Variants in MACROD2 observed in about 807,000 individuals in gnomAD.
MACROD2 encodes the protein mono-ADP ribosylhydrolase 2, also known as ADP-ribose glycohydrolase MACROD2.
Under a neutral mutation model 70.4 loss-of-function variants are expected in MACROD2, and 36 were observed. That is an observed-to-expected ratio of 0.51 (90% CI 0.39 to 0.68). MACROD2 has a LOEUF of 0.68. Among genes scored for constraint, MACROD2 ranks in the 30% least tolerant of loss-of-function variants. The pLI, the probability that MACROD2 is intolerant of heterozygous loss-of-function variation, is 0.00. For synonymous variants in MACROD2, 172 were observed against 178.8 expected (o/e 0.96, Z 0.30); for missense variants, 496 against 538.4 (o/e 0.92, Z 0.78).
At chr20:15,093,909 C>T (rs1384998113) in intron 5 of MACROD2, among the ~76,000 whole-genome samples, 2 of 152,196 alleles carry the variant, frequency 1.3e-5, no homozygotes, top group Non-Finnish European at 2.9e-5. Flanking sequence ...GAAATTGTGT[C>T]GAGGGAAGCT....
chr20:15,084,083 TTA>T, intron 5 of MACROD2, among the ~76,000 whole-genome samples: 1 of 150,724 alleles, frequency 6.6e-6, no homozygotes, highest in Non-Finnish European at 1.5e-5. Context: ...TTTTTTTTTT[TTA>T]ATGAAGTTTT....
intron 3 of MACROD2, among the ~76,000 whole-genome samples, chr20:14,277,311 G>A (rs1263491583): frequency 6.6e-6 from 1 of 152,152 alleles, no homozygotes; most frequent in Non-Finnish European, 1.5e-5. Context: ...AGCTAGGCAT[G>A]GTGGCACGCA....
intron 8 of MACROD2, among the ~76,000 whole-genome samples, chr20:15,554,239 T>C (rs935341268): frequency 7.9e-5 from 12 of 152,250 alleles, no homozygotes; most frequent in African/African-American, 2.9e-4. Flanking sequence ...TCTGGGGCTA[T>C]AGGAGGAAGA....
At chr20:14,251,436 C>A (rs896549250) in intron 3 of MACROD2, among the ~76,000 whole-genome samples, 2 of 151,982 alleles carry the variant, frequency 1.3e-5, no homozygotes, top group Non-Finnish European at 2.9e-5. Flanking sequence ...AAGGGTATAT[C>A]TGAGTAAGAT....
At position 15,558,706 on chromosome 20, in the gene MACROD2, G is replaced by A. The variant is rs143654884; in HGVS notation, c.645+58859G>A. 3.5e-4 allele frequency among the ~76,000 whole-genome samples: 54 copies of A among 152,290 alleles called. No homozygotes were observed. In the East Asian group the frequency reaches 0.01, roughly 29 times the overall value. On this transcript the variant is annotated intron_variant, in intron 8 of 17. Transcript: ENST00000684519. ...AACATAACTCTTCCTCCCATTGGCT[G>A]AGCTCAAGAAGTGTTGGTTAGGAAA...
chr20:15,109,056 A>G lies in MACROD2; in HGVS notation c.419-120884A>G, dbSNP rs369255866. On this transcript the variant is annotated intron_variant, in intron 5 of 17. Transcript: ENST00000684519. ...CTGTTTTGTTAATAAAGGTTGATTG[A>G]CATTCAGCCACACCCATTCACTTTC... 1.3e-4 allele frequency among the ~76,000 whole-genome samples: 20 copies of G among 152,338 alleles called. No individual in the cohort carries two copies. The East Asian group carries it at 2.9e-3, about 22-fold the overall frequency.
At chr20:15,639,556 A>C (rs1488483172) in intron 8 of MACROD2, among the ~76,000 whole-genome samples, 1 of 152,172 alleles carries the variant, frequency 6.6e-6, no homozygotes, top group Non-Finnish European at 1.5e-5. Context: ...ACCCCTGCAG[A>C]GCCAGGCACA....
chr20:15,284,152 A>G (rs1418984386), intron 6 of MACROD2, among the ~76,000 whole-genome samples: 2 of 152,062 alleles, frequency 1.3e-5, no homozygotes, highest in African/African-American at 2.4e-5. Context: ...TTGAATCAAG[A>G]TATCTTGTGC....
chr20:15,021,130 A>G (rs1475900358), intron 5 of MACROD2, among the ~76,000 whole-genome samples: 3 of 129,958 alleles, frequency 2.3e-5, no homozygotes, highest in African/African-American at 5.9e-5. Flanking sequence ...ACGTGTGTAT[A>G]CACATACGTG....
intron 13 of MACROD2, among the ~76,000 whole-genome samples, chr20:15,969,464 G>A (rs1421013816): frequency 2.0e-5 from 3 of 152,080 alleles, no homozygotes; most frequent in African/African-American, 7.2e-5. Flanking sequence ...GATAAGATTG[G>A]AAATTTTAGC....
chr20:14,750,644 G>A (rs556493498), intron 5 of MACROD2, among the ~76,000 whole-genome samples: 15 of 152,048 alleles, frequency 9.9e-5, no homozygotes, highest in Non-Finnish European at 2.2e-4. Flanking sequence ...ATTTTTTGTA[G>A]AGATGGGGTT....
chr20:15,806,954 T>G (rs2063774911), intron 8 of MACROD2, among the ~76,000 whole-genome samples: 1 of 152,150 alleles, frequency 6.6e-6, no homozygotes, highest in Non-Finnish European at 1.5e-5. Context: ...ACCCTAGAAA[T>G]GAGCCAAAGA....
At chr20:15,983,775 T>C (rs2066436130) in intron 13 of MACROD2, among the ~76,000 whole-genome samples, 1 of 152,230 alleles carries the variant, frequency 6.6e-6, no homozygotes, top group Non-Finnish European at 1.5e-5. Flanking sequence ...ACAATTGCTT[T>C]TGTTTAATGT....
intron 5 of MACROD2, among the ~76,000 whole-genome samples, chr20:15,071,016 T>C (rs1276221135): frequency 6.6e-6 from 1 of 152,282 alleles, no homozygotes; most frequent in African/African-American, 2.4e-5. Flanking sequence ...GTAAGACTAT[T>C]ATAGCCAGGA....
chr20:14,955,111 T>G (rs1600869253), intron 5 of MACROD2, among the ~76,000 whole-genome samples: 3 of 38,302 alleles, frequency 7.8e-5, no homozygotes, highest in Non-Finnish European at 1.2e-4. Context: ...TAATTTATAT[T>G]ATATATAACT....
chr20:15,235,423 G>C (rs2077005118), intron 6 of MACROD2, among the ~76,000 whole-genome samples: 1 of 152,084 alleles, frequency 6.6e-6, no homozygotes, highest in Admixed American at 6.5e-5. Context: ...ACTTCAATAG[G>C]GATCCCTCAG....
rs116655796 is a variant in MACROD2 at position 15,406,711 on chromosome 20, T to C, written c.541-24694T>C. ...AATGAGGCTGATAGCTAATAGAACA[T>C]TTGTGGAGGAGACAAACAAATTGTC... On this transcript the variant is annotated intron_variant, in intron 6 of 17. Transcript: ENST00000684519. Among the ~76,000 whole-genome samples, 599 of 152,196 alleles carry C rather than the reference T, an allele frequency of 3.9e-3. 4 individuals are homozygous for C. Among genetic ancestry groups the C allele is most frequent in the African/African-American group, 0.014 (581 of 41,530 alleles).
chr20:15,556,042 C>T (rs571707934), intron 8 of MACROD2, among the ~76,000 whole-genome samples: 1 of 152,156 alleles, frequency 6.6e-6, no homozygotes, highest in South Asian at 2.1e-4. Flanking sequence ...CTCATGCATT[C>T]CTGACTTATT....
chr20:15,587,005 T>C (rs2146659266), intron 8 of MACROD2, among the ~76,000 whole-genome samples: 1 of 152,340 alleles, frequency 6.6e-6, no homozygotes. Context: ...TGCTTTCCTT[T>C]AAATAAGAAA....
Sources: allele counts gnomAD v4.1 joint callset (sites outside exome capture counted in the v4.1 genomes callset), GRCh38; gene constraint gnomAD v4.1.1; transcripts MANE v1.5; gene names NCBI Gene and HGNC (gene_info 2026-07-23, HGNC 2026-07-21).